Variants in VTI1A observed in about 807,000 individuals in gnomAD.
The protein encoded by VTI1A is vesicle transport through interaction with t-SNAREs homolog 1A.
VTI1A carries 22 observed loss-of-function variants against 34.9 expected under a neutral mutation model. The observed-to-expected ratio is 0.63, with a 90% CI of 0.45 to 0.90. The LOEUF (loss-of-function observed/expected upper bound fraction) is 0.90, where lower values mean the gene tolerates loss of function less well. VTI1A is among the 40% of genes least tolerant of loss of function. VTI1A has a pLI of 0.00. For missense variants in VTI1A, 268 were observed against 275.6 expected (o/e 0.97, Z 0.20); for synonymous variants, 87 against 97.3 (o/e 0.89, Z 0.62).
chr10:112,772,452 T>C (rs1851838776), intron 7 of VTI1A, among the ~76,000 whole-genome samples: 1 of 152,240 alleles, frequency 6.6e-6, no homozygotes, highest in African/African-American at 2.4e-5. Context: ...TATGTCTTAT[T>C]GTATATACGA....
chr10:112,531,512 T>TAAAAAAA (rs1302854668), intron 4 of VTI1A, among the ~76,000 whole-genome samples: 101 of 150,096 alleles, frequency 6.7e-4, no homozygotes, highest in Non-Finnish European at 9.5e-4. Flanking sequence ...AAGATAAAGA[T>TAAAAAAA]GAAAAACCCT....
chr10:112,726,443 G>A (rs1850030248), intron 7 of VTI1A, among the ~76,000 whole-genome samples: 1 of 152,126 alleles, frequency 6.6e-6, no homozygotes, highest in African/African-American at 2.4e-5. Context: ...TCTTAACCCA[G>A]AACAACCATG....
chr10:112,559,217 A>G (rs1035055158), intron 5 of VTI1A, among the ~76,000 whole-genome samples: 4 of 152,234 alleles, frequency 2.6e-5, no homozygotes, highest in African/African-American at 9.6e-5. Flanking sequence ...TTGGATGAAC[A>G]TATAACACAT....
At chr10:112,787,718 T>C (rs1256272404) in intron 7 of VTI1A, among the ~76,000 whole-genome samples, 1 of 135,304 alleles carries the variant, frequency 7.4e-6, no homozygotes, top group African/African-American at 3.1e-5. Context: ...TTTTTTTTTT[T>C]TGAGACAGAG....
chr10:112,453,830 G>A (rs1263931062), intron 1 of VTI1A, among the ~76,000 whole-genome samples: 1 of 152,130 alleles, frequency 6.6e-6, no homozygotes, highest in East Asian at 1.9e-4. Context: ...TGGACAGTAG[G>A]TGTGCACATT....
At chr10:112,726,679 T>G (rs1850039454) in intron 7 of VTI1A, among the ~76,000 whole-genome samples, 1 of 152,188 alleles carries the variant, frequency 6.6e-6, no homozygotes. Flanking sequence ...CTATAGAACC[T>G]CTCTCTGGAA....
intron 5 of VTI1A, among the ~76,000 whole-genome samples, chr10:112,641,759 A>C (rs1846584001): frequency 6.6e-6 from 1 of 152,124 alleles, no homozygotes; most frequent in Admixed American, 6.5e-5. Flanking sequence ...ATGTTTTTTT[A>C]TGCTGCCCAA....
At chr10:112,687,699 C>T (rs1275235078) in intron 7 of VTI1A, among the ~76,000 whole-genome samples, 1 of 152,100 alleles carries the variant, frequency 6.6e-6, no homozygotes, top group Non-Finnish European at 1.5e-5. Context: ...TGGTGCACAA[C>T]TGCCTCGTTG....
At chr10:112,669,036 GT>G in intron 7 of VTI1A, 38 bp downstream of exon 7, 1 of 1,604,512 alleles carries the variant, frequency 6.2e-7, no homozygotes, top group Non-Finnish European at 8.5e-7. Flanking sequence ...CTCTCTGTGT[GT>G]TTTTTTAAAA....
At chr10:112,520,248 G>A (rs574820944) in intron 3 of VTI1A, among the ~76,000 whole-genome samples, 1 of 152,056 alleles carries the variant, frequency 6.6e-6, no homozygotes, top group East Asian at 1.9e-4. Flanking sequence ...ATCATGAGCT[G>A]ATTTTCTGAA....
chr10:112,746,820 A>G (rs1481530391), intron 7 of VTI1A, among the ~76,000 whole-genome samples: 1 of 152,194 alleles, frequency 6.6e-6, no homozygotes, highest in Non-Finnish European at 1.5e-5. Context: ...TTCCTACTAA[A>G]CAAGTCAATG....
At chr10:112,586,349 A>C (rs1393813797) in intron 5 of VTI1A, among the ~76,000 whole-genome samples, 6 of 152,188 alleles carry the variant, frequency 3.9e-5, no homozygotes, top group Non-Finnish European at 8.8e-5. Flanking sequence ...GTTTTTCAGC[A>C]CTGCTAATAG....
At position 112,458,277 on chromosome 10, in the gene VTI1A, G is replaced by C. The variant is rs143076479; in HGVS notation, c.95-2247G>C. ...CCTGATACGTAAATACACCATCTCAGTTTTGATCCAAGATAAGCCTGTCTT... is the reference window on the plus strand; with the variant it reads ...CCTGATACGTAAATACACCATCTCACTTTTGATCCAAGATAAGCCTGTCTT... On this transcript the variant is annotated intron_variant, in intron 1 of 7. Transcript: ENST00000393077. Among the ~76,000 whole-genome samples, 335 of 152,266 alleles carry C rather than the reference G, an allele frequency of 2.2e-3. 2 individuals are homozygous for C. Among genetic ancestry groups the C allele is most frequent in the African/African-American group, 7.1e-3 (296 of 41,564 alleles).
rs1051588401 is a variant in VTI1A at position 112,552,613 on chromosome 10, A to G, written c.427+14283A>G. Among the ~76,000 whole-genome samples, 256 of 152,278 alleles carry G rather than the reference A, an allele frequency of 1.7e-3. 4 individuals are homozygous for G. The highest frequency in any genetic ancestry group is 7.1e-4 in the Non-Finnish European group (48 of 68,004). On this transcript the variant is annotated intron_variant, in intron 5 of 7. Transcript: ENST00000393077. Reference sequence around the variant, plus strand: ...TACTGTAAAAAGAGACCTTTTAAAAAAAAAAAAACCATTGACTCTAAAAGG... The same window carrying G: ...TACTGTAAAAAGAGACCTTTTAAAAGAAAAAAAACCATTGACTCTAAAAGG...
chr10:112,706,981 G>A (rs956180099), intron 7 of VTI1A, among the ~76,000 whole-genome samples: 6 of 152,034 alleles, frequency 3.9e-5, no homozygotes, highest in East Asian at 1.9e-4. Context: ...AAAAAATGTG[G>A]TGAGTTTACT....
At chr10:112,653,797 AT>A (rs1847126351) in intron 5 of VTI1A, among the ~76,000 whole-genome samples, 1 of 152,062 alleles carries the variant, frequency 6.6e-6, no homozygotes, top group African/African-American at 2.4e-5. Flanking sequence ...GTATGCAGTC[AT>A]TTTTTTGTCC....
intron 7 of VTI1A, among the ~76,000 whole-genome samples, chr10:112,783,401 G>GCGCA (rs1491281369): frequency 2.0e-5 from 3 of 150,310 alleles, no homozygotes; most frequent in African/African-American, 4.9e-5. Flanking sequence ...GCGTGCACGT[G>GCGCA]CACACACACA....
At chr10:112,770,156 C>A (rs1281518749) in intron 7 of VTI1A, among the ~76,000 whole-genome samples, 1 of 151,990 alleles carries the variant, frequency 6.6e-6, no homozygotes, top group Non-Finnish European at 1.5e-5. Context: ...CTGATCCAAC[C>A]CACTCGTATT....
rs544145278 is a variant in VTI1A, at chr10:112,620,620, G to A, written c.428-47598G>A. ...AGCCTGACCAACAAGGTGAAACCCC[G>A]TCTCTACTAAAATACAAAAATAAGC... On this transcript the variant is annotated intron_variant, in intron 5 of 7. Transcript: ENST00000393077. 5.7e-4 allele frequency among the ~76,000 whole-genome samples: 86 copies of A among 152,042 alleles called. 2 individuals carry two copies. The South Asian group carries it at 0.011, about 19-fold the overall frequency.
Sources: gnomAD v4.1 joint callset for allele counts (sites outside exome capture counted in the v4.1 genomes callset) on GRCh38, gnomAD v4.1.1 for gene constraint, MANE v1.5 for transcripts, NCBI Gene and HGNC (gene_info 2026-07-23, HGNC 2026-07-21) for gene names.